FAM228B: variants seen among roughly 807,000 people sequenced by gnomAD.
FAM228B encodes protein FAM228B.
A neutral mutation model predicts 42.6 loss-of-function variants in FAM228B; 38 were observed. The observed-to-expected ratio is 0.89, with a 90% CI of 0.69 to 1.17. The LOEUF is 1.17. FAM228B is among the 50% of genes most tolerant of loss of function. FAM228B has a pLI of 0.00. For synonymous variants in FAM228B, 109 were observed against 122.3 expected (o/e 0.89, Z 0.72); for missense variants, 344 against 367.3 (o/e 0.94, Z 0.52).
At chr2:24,086,095 C>T (rs35002888) in intron 2 of FAM228B, among the ~76,000 whole-genome samples, 93 of 152,024 alleles carry the variant, frequency 6.1e-4, no homozygotes, top group African/African-American at 2.1e-3. Flanking sequence ...ATTAGCCGGG[C>T]GTGGTGGCGG....
rs765994186 is a variant in FAM228B, at chr2:24,084,370, G to A, written c.-210+3415G>A. Reference sequence around the variant, plus strand: ...GCAGGGCAGGGCAGGACAGGACAGGGCAGGGCAGGGCAGGACAGGACAGGG... The same window carrying A: ...GCAGGGCAGGGCAGGACAGGACAGGACAGGGCAGGGCAGGACAGGACAGGG... On this transcript the variant is annotated intron_variant, in intron 2 of 10. Coordinates refer to the FAM228B transcript ENST00000613899. The surrounding 1 kb of genome is among the most constrained non-coding windows in gnomAD (Gnocchi z 8.4). 7.8e-5 allele frequency: 120 copies of A among 1,530,172 alleles called. No individual in the cohort carries two copies. The South Asian group carries it at 1.0e-3, about 13-fold the overall frequency. The allele number at this position is 1,530,172 out of a possible 1,614,324, so 94.8% of individuals were successfully genotyped here.
chr2:24,147,215 A>T, intron 7 of FAM228B, 129 bp downstream of exon 7: 1 of 606,488 alleles, frequency 1.6e-6, no homozygotes, highest in Non-Finnish European at 2.6e-6. Flanking sequence ...ACAGAGTCTC[A>T]CTCTGAAAAT....
At chr2:24,100,411 C>T (rs1180289301) in intron 3 of FAM228B, among the ~76,000 whole-genome samples, 4 of 151,646 alleles carry the variant, frequency 2.6e-5, no homozygotes, top group Admixed American at 2.6e-4. Flanking sequence ...ATAACTCAAA[C>T]AAATTTACAA....
intron 3 of FAM228B, among the ~76,000 whole-genome samples, chr2:24,136,027 A>C (rs1227615659): frequency 4.8e-5 from 2 of 41,960 alleles, no homozygotes; most frequent in Admixed American, 3.0e-4. Context: ...TTTTTCTGCC[A>C]TCCCTTCTCT....
upstream of FAM228B, chr2:24,122,676 G>GA (rs1666158949): frequency 2.6e-5 from 16 of 607,366 alleles, no homozygotes; most frequent in South Asian, 3.5e-4. Flanking sequence ...GGTACAGGGT[G>GA]AAAACGGTGG....
At chr2:24,110,706 A>C (rs1031430512) in intron 3 of FAM228B, among the ~76,000 whole-genome samples, 2 of 152,182 alleles carry the variant, frequency 1.3e-5, no homozygotes, top group Non-Finnish European at 2.9e-5. Context: ...TCGTAAGTGC[A>C]GTGTAGCCTT....
At chr2:24,119,425 T>C, upstream of FAM228B, 2 of 589,110 alleles carry the variant, frequency 3.4e-6, no homozygotes, top group Non-Finnish European at 6.0e-6. Context: ...AGCTGCACCC[T>C]GTCCTTCCAG....
chr2:24,122,853 A>C, upstream of FAM228B: 1 of 219,918 alleles, frequency 4.5e-6, no homozygotes, highest in African/African-American at 2.3e-5. Context: ...AAAAACAAAC[A>C]TTACACACTG....
rs545136302 is a variant in FAM228B, at chr2:24,129,814, T to G, written c.100-5305T>G. Among the ~76,000 whole-genome samples, 3 of 152,368 alleles carry G rather than the reference T, an allele frequency of 2.0e-5. No individual in the cohort carries two copies. In the East Asian group the frequency reaches 5.8e-4, roughly 29 times the overall value. On this transcript the variant is annotated intron_variant, in intron 2 of 10. Coordinates refer to ENST00000615575, the MANE Select transcript of FAM228B (RefSeq NM_001145710.2). ...CAATATAATTTTCTTTTTATTTTTCTTATTTTACTTTAAGTTCTGAGATAC... is the reference window on the plus strand; with the variant it reads ...CAATATAATTTTCTTTTTATTTTTCGTATTTTACTTTAAGTTCTGAGATAC...
intron 3 of FAM228B, among the ~76,000 whole-genome samples, chr2:24,103,139 A>AT (rs1170384212): frequency 6.6e-6 from 1 of 152,188 alleles, no homozygotes; most frequent in African/African-American, 2.4e-5. Context: ...AATTTAAAAT[A>AT]TTTAGAATTT....
chr2:24,091,985 A>G (rs1376361960), intron 2 of FAM228B, among the ~76,000 whole-genome samples: 1 of 152,054 alleles, frequency 6.6e-6, no homozygotes, highest in Non-Finnish European at 1.5e-5. Flanking sequence ...TAATCCCAGC[A>G]CTTTGGGAGG....
rs1367011937 is a variant in FAM228B at position 24,139,533 on chromosome 2, C to T, written c.441+83C>T. 8 of 694,136 alleles carry T rather than the reference C, an allele frequency of 1.2e-5. No individual in the cohort carries two copies. In the Admixed American group the frequency reaches 1.2e-4, roughly 10 times the overall value. 43.0% of individuals were successfully genotyped at this position (694,136 alleles called of 1,614,324 possible). Reference sequence around the variant, plus strand: ...CCCTAATATATGAGCAGTCCTTAAGCGATTCCCTAAAAGTGCAGTAACATT... The same window carrying T: ...CCCTAATATATGAGCAGTCCTTAAGTGATTCCCTAAAAGTGCAGTAACATT... On this transcript the variant is annotated intron_variant, in intron 5 of 10. Transcript: ENST00000615575.
intron 8 of FAM228B, among the ~76,000 whole-genome samples, chr2:24,161,817 G>A (rs1185095362): frequency 6.6e-6 from 1 of 152,182 alleles, no homozygotes. Flanking sequence ...AGAACAAGTA[G>A]GCTGGGTGCG....
chr2:24,094,536 G>A (rs1665458490), intron 2 of FAM228B, among the ~76,000 whole-genome samples: 2 of 152,126 alleles, frequency 1.3e-5, no homozygotes, highest in African/African-American at 4.8e-5. Context: ...TGAGGCCGGA[G>A]TAAAATGTTG....
At chr2:24,146,877 G>A in intron 6 of FAM228B, 42 bp downstream of exon 6, 2 of 1,538,912 alleles carry the variant, frequency 1.3e-6, no homozygotes, top group East Asian at 2.5e-5. Flanking sequence ...TAGCCCAAGA[G>A]CAATGGCAGA....
At chr2:24,089,028 T>C (rs1231552189) in intron 2 of FAM228B, among the ~76,000 whole-genome samples, 2 of 152,216 alleles carry the variant, frequency 1.3e-5, no homozygotes, top group Non-Finnish European at 2.9e-5. Context: ...ATAGATTATA[T>C]TTAGTAGAAA....
intron 3 of FAM228B, among the ~76,000 whole-genome samples, chr2:24,136,172 C>T (rs1666582737): frequency 6.7e-6 from 1 of 149,386 alleles, no homozygotes; most frequent in South Asian, 2.1e-4. Flanking sequence ...AGTGATTCTC[C>T]TGCCTCAGCC....
intron 3 of FAM228B, among the ~76,000 whole-genome samples, chr2:24,108,902 A>C (rs1169374487): frequency 2.7e-5 from 4 of 147,162 alleles, no homozygotes; most frequent in Non-Finnish European, 6.0e-5. Flanking sequence ...GTCCGTCTCA[A>C]AAAAAAAAAA....
At chr2:24,087,028 G>C (rs937222437) in intron 2 of FAM228B, among the ~76,000 whole-genome samples, 3 of 152,124 alleles carry the variant, frequency 2.0e-5, no homozygotes, top group African/African-American at 7.2e-5. Flanking sequence ...GATGCAAGGA[G>C]TAACTTTAAA....
Sources: gnomAD v4.1 joint callset for allele counts (sites outside exome capture counted in the v4.1 genomes callset) on GRCh38, gnomAD v4.1.1 for gene constraint, Gnocchi (gnomAD v3.1) non-coding constraint, MANE v1.5 for transcripts, NCBI Gene and HGNC (gene_info 2026-07-23, HGNC 2026-07-21) for gene names.